The following RBFOX1 variants were observed in gnomAD, a reference collection of about 807,000 sequenced individuals.
The protein encoded by RBFOX1 is RNA binding fox-1 homolog 1.
A neutral mutation model predicts 57.7 loss-of-function variants in RBFOX1; 8 were observed. The observed-to-expected ratio is 0.14, with a 90% CI of 0.08 to 0.25. The LOEUF is 0.25. Among genes scored for constraint, RBFOX1 ranks in the 10% least tolerant of loss-of-function variants. The pLI is 1.00. For synonymous variants in RBFOX1, 326 were observed against 222.4 expected (o/e 1.47, Z -4.15); for missense variants, 611 against 548.5 (o/e 1.11, Z -1.14).
intron 4 of RBFOX1, among the ~76,000 whole-genome samples, chr16:7,235,598 A>T (rs557902473): frequency 3.3e-5 from 5 of 152,178 alleles, no homozygotes; most frequent in Admixed American, 1.3e-4. Context: ...TGCCCTTTCA[A>T]TTGATGGGCA....
At chr16:7,011,718 G>T (rs1264579213) in intron 3 of RBFOX1, among the ~76,000 whole-genome samples, 2 of 152,130 alleles carry the variant, frequency 1.3e-5, no homozygotes, top group Non-Finnish European at 1.5e-5. Flanking sequence ...GTTTCACCAT[G>T]TTAGTCAGGA....
intron 2 of RBFOX1, 45 bp downstream of exon 2, chr16:6,317,102 T>A: frequency 6.8e-7 from 1 of 1,480,148 alleles, no homozygotes; most frequent in South Asian, 1.2e-5. Context: ...AATACATCCA[T>A]GTCTTTGATC....
At chr16:6,922,175 T>C (rs2074600466) in intron 3 of RBFOX1, among the ~76,000 whole-genome samples, 1 of 152,076 alleles carries the variant, frequency 6.6e-6, no homozygotes, top group Non-Finnish European at 1.5e-5. Context: ...AAATGGATCC[T>C]GGGGGGTAGG....
intron 1 of RBFOX1, among the ~76,000 whole-genome samples, chr16:6,071,571 A>G (rs1199350894): frequency 6.6e-6 from 1 of 152,232 alleles, no homozygotes; most frequent in South Asian, 2.1e-4. Context: ...ATCAACCAAG[A>G]TAGCTGCAAA....
At chr16:6,853,717 C>T (rs1397157795) in intron 3 of RBFOX1, among the ~76,000 whole-genome samples, 1 of 152,036 alleles carries the variant, frequency 6.6e-6, no homozygotes, top group Non-Finnish European at 1.5e-5. Flanking sequence ...ATTCGTTTAC[C>T]AGTAGACAAT....
chr16:5,258,703 G>A (rs577654405), intron 1 of RBFOX1, among the ~76,000 whole-genome samples: 1 of 152,212 alleles, frequency 6.6e-6, no homozygotes, highest in South Asian at 2.1e-4. Context: ...GGATCACGAG[G>A]TCAAGAGTTC....
chr16:5,409,014 G>A (rs1181434337), intron 1 of RBFOX1, among the ~76,000 whole-genome samples: 3 of 152,136 alleles, frequency 2.0e-5, no homozygotes, highest in Admixed American at 6.5e-5. Flanking sequence ...AAACTGTATC[G>A]GCGGGTGAAA....
At chr16:7,312,624 T>A (rs1304806719) in intron 4 of RBFOX1, among the ~76,000 whole-genome samples, 1 of 152,136 alleles carries the variant, frequency 6.6e-6, no homozygotes, top group Non-Finnish European at 1.5e-5. Flanking sequence ...TCATTCCTGC[T>A]TGTGTCACTG....
chr16:6,043,433 C>G (rs1334107331), intron 1 of RBFOX1, among the ~76,000 whole-genome samples: 3 of 152,192 alleles, frequency 2.0e-5, no homozygotes, highest in African/African-American at 4.8e-5. Context: ...AGTCTGCTAT[C>G]TGTCATGCGA....
chr16:7,140,157 C>CCTCCCTCTCTCTCTCT (rs2073300584), intron 4 of RBFOX1, among the ~76,000 whole-genome samples: 4 of 70,886 alleles, frequency 5.6e-5, no homozygotes, highest in African/African-American at 2.4e-4. Context: ...TCCTTCTCTC[C>CCTCCCTCTCTCTCTCT]CTCTCTCTCT....
At chr16:5,365,529 C>T (rs1281375069) in intron 1 of RBFOX1, among the ~76,000 whole-genome samples, 2 of 152,046 alleles carry the variant, frequency 1.3e-5, no homozygotes, top group Admixed American at 6.6e-5. Flanking sequence ...ATTAGCTGGG[C>T]ATGGTGGCAT....
At chr16:7,031,680 C>G (rs187988274) in intron 3 of RBFOX1, among the ~76,000 whole-genome samples, 1 of 151,992 alleles carries the variant, frequency 6.6e-6, no homozygotes. Context: ...ATGGGATTGG[C>G]GAGATAATCC....
intron 3 of RBFOX1, among the ~76,000 whole-genome samples, chr16:6,851,493 A>G (rs1043931109): frequency 6.6e-6 from 1 of 152,192 alleles, no homozygotes; most frequent in African/African-American, 2.4e-5. Flanking sequence ...TCATATAACA[A>G]CTTAGAGTTT....
At chr16:7,369,212 A>C (rs778330591) in intron 4 of RBFOX1, among the ~76,000 whole-genome samples, 3 of 151,696 alleles carry the variant, frequency 2.0e-5, no homozygotes, top group Non-Finnish European at 4.4e-5. Context: ...CCCCAGCCCA[A>C]TAGTAAAAAG....
chr16:6,646,458 C>G (rs1315964988), intron 2 of RBFOX1, among the ~76,000 whole-genome samples: 2 of 152,024 alleles, frequency 1.3e-5, no homozygotes, highest in African/African-American at 4.8e-5. Context: ...CCAGATCGCT[C>G]TTTTCTGTCG....
intron 1 of RBFOX1, chr16:5,289,542 C>A (rs115261807): frequency 0.011 from 1,990 of 182,498 alleles, 31 homozygotes; most frequent in African/African-American, 0.043. Flanking sequence ...TTGTCTAAAT[C>A]TGTGGTATTA....
intron 2 of RBFOX1, among the ~76,000 whole-genome samples, chr16:6,584,077 A>C (rs1166775289): frequency 6.6e-6 from 1 of 151,902 alleles, no homozygotes; most frequent in African/African-American, 2.4e-5. Flanking sequence ...GTCAACTGCA[A>C]ATACTGAAAG....
chr16:7,635,322 A>G (rs1218803810), intron 11 of RBFOX1, among the ~76,000 whole-genome samples: 1 of 152,262 alleles, frequency 6.6e-6, no homozygotes, highest in Admixed American at 6.5e-5. Flanking sequence ...AGATGTTTCC[A>G]GAAGCACGTA....
chr16:7,341,892 A>G (rs1325220789), intron 4 of RBFOX1, among the ~76,000 whole-genome samples: 1 of 150,550 alleles, frequency 6.6e-6, no homozygotes, highest in Non-Finnish European at 1.5e-5. Context: ...CTTGCATCCA[A>G]CTTAGACTAA....
Sources: allele counts gnomAD v4.1 joint callset (sites outside exome capture counted in the v4.1 genomes callset), GRCh38; gene constraint gnomAD v4.1.1; transcripts MANE v1.5; gene names NCBI Gene and HGNC (gene_info 2026-07-23, HGNC 2026-07-21).